Variants in DPP10 observed in about 807,000 individuals in gnomAD.
DPP10 encodes the protein inactive dipeptidyl peptidase 10.
DPP10 carries 33 observed loss-of-function variants against 120.9 expected under a neutral mutation model. That is an observed-to-expected ratio of 0.27 (90% CI 0.21 to 0.37). The LOEUF (loss-of-function observed/expected upper bound fraction) is 0.37. Among genes scored for constraint, DPP10 ranks in the 10% least tolerant of loss-of-function variants. The pLI is 1.00. For synonymous variants in DPP10, 337 were observed against 326.1 expected, an observed-to-expected ratio of 1.03 and a Z score of -0.36; for missense variants, 816 against 942.8, an observed-to-expected ratio of 0.87 and a Z score of 1.76.
At chr2:115,019,331 A>G (rs928347255) in intron 1 of DPP10, among the ~76,000 whole-genome samples, 3 of 152,192 alleles carry the variant, frequency 2.0e-5, no homozygotes, top group Non-Finnish European at 2.9e-5. Flanking sequence ...ACAAAAAGAA[A>G]TCACAACTTC....
intron 7 of DPP10, among the ~76,000 whole-genome samples, chr2:115,713,223 T>C (rs545944604): frequency 5.3e-5 from 8 of 152,186 alleles, no homozygotes; most frequent in Admixed American, 4.6e-4. Context: ...AGAGGGCAGC[T>C]GGAAATTGAG....
chr2:115,477,390 A>G (rs1354019294), intron 3 of DPP10, among the ~76,000 whole-genome samples: 1 of 152,178 alleles, frequency 6.6e-6, no homozygotes, highest in Non-Finnish European at 1.5e-5. Context: ...GGAAATTAAG[A>G]AAACAGTTCT....
At chr2:115,301,300 G>A (rs759343477) in intron 1 of DPP10, among the ~76,000 whole-genome samples, 2 of 151,728 alleles carry the variant, frequency 1.3e-5, no homozygotes, top group Non-Finnish European at 2.9e-5. Flanking sequence ...AGTTTTGCAT[G>A]GCTTCCAAAC....
chr2:114,571,227 C>T (rs1689618916), intron 1 of DPP10, among the ~76,000 whole-genome samples: 2 of 152,052 alleles, frequency 1.3e-5, no homozygotes, highest in Non-Finnish European at 2.9e-5. Flanking sequence ...TAGCACCATC[C>T]TCCTAGTGCT....
intron 1 of DPP10, among the ~76,000 whole-genome samples, chr2:114,840,369 G>A (rs1032335861): frequency 9.2e-5 from 14 of 152,064 alleles, no homozygotes; most frequent in African/African-American, 2.7e-4. Flanking sequence ...GGGGCATTCC[G>A]TTTGGCCTGT....
intron 3 of DPP10, among the ~76,000 whole-genome samples, chr2:115,381,824 A>T (rs1319179503): frequency 6.7e-6 from 1 of 149,340 alleles, no homozygotes; most frequent in African/African-American, 2.5e-5. Context: ...GTGAAGTGTC[A>T]GTCTGCCCCT....
At chr2:115,440,150 TGTGTGC>T (rs1458694763) in intron 3 of DPP10, among the ~76,000 whole-genome samples, 1 of 152,028 alleles carries the variant, frequency 6.6e-6, no homozygotes, top group Non-Finnish European at 1.5e-5. Flanking sequence ...ATAATATGTG[TGTGTGC>T]GTGTGTGTGT....
At chr2:114,773,085 A>G (rs986631740) in intron 1 of DPP10, among the ~76,000 whole-genome samples, 3 of 152,206 alleles carry the variant, frequency 2.0e-5, no homozygotes, top group African/African-American at 4.8e-5. Context: ...TAATGATTAC[A>G]TTAGAACATC....
intron 9 of DPP10, among the ~76,000 whole-genome samples, chr2:115,741,890 C>T (rs1469229950): frequency 1.3e-5 from 2 of 152,088 alleles, no homozygotes; most frequent in Non-Finnish European, 2.9e-5. Context: ...CCAATGGGAG[C>T]ATTTGAGGAA....
intron 1 of DPP10, among the ~76,000 whole-genome samples, chr2:114,507,670 G>A (rs904139777): frequency 1.3e-5 from 2 of 150,978 alleles, no homozygotes; most frequent in Non-Finnish European, 2.9e-5. Flanking sequence ...TGGGGACAGA[G>A]ACCTGGTAAT....
intron 1 of DPP10, among the ~76,000 whole-genome samples, chr2:115,120,838 T>A (rs750507858): frequency 2.0e-5 from 3 of 152,234 alleles, no homozygotes; most frequent in Admixed American, 6.5e-5. Flanking sequence ...ACTTCTCATA[T>A]AAAATCTATT....
intron 5 of DPP10, among the ~76,000 whole-genome samples, chr2:115,585,778 G>A (rs1233455055): frequency 1.3e-5 from 2 of 151,944 alleles, no homozygotes; most frequent in African/African-American, 4.8e-5. Context: ...ATACATATGT[G>A]GACATCTATC....
At chr2:115,178,687 C>A (rs1057319744) in intron 1 of DPP10, among the ~76,000 whole-genome samples, 5 of 152,128 alleles carry the variant, frequency 3.3e-5, no homozygotes, top group African/African-American at 1.2e-4. Flanking sequence ...TCCCAATTAG[C>A]AAAACTGGAA....
chr2:114,925,529 C>T (rs189816416), intron 1 of DPP10, among the ~76,000 whole-genome samples: 14 of 152,246 alleles, frequency 9.2e-5, no homozygotes, highest in Middle Eastern at 3.4e-3. Context: ...TTATCTCGCA[C>T]TTTCTGTATG....
intron 1 of DPP10, among the ~76,000 whole-genome samples, chr2:114,799,016 C>T (rs1484525497): frequency 5.3e-5 from 8 of 152,012 alleles, no homozygotes; most frequent in African/African-American, 1.9e-4. Context: ...ACAATCCCAG[C>T]TAATCGGGAA....
intron 1 of DPP10, among the ~76,000 whole-genome samples, chr2:114,818,194 CT>C (rs889734066): frequency 6.6e-6 from 1 of 151,780 alleles, no homozygotes; most frequent in East Asian, 1.9e-4. Context: ...CAATAATTTC[CT>C]TTTTTTTGAC....
Position 114,873,385 on chromosome 2 carries a change from A to G in DPP10, c.60+430547A>G, listed in dbSNP as rs372763834. On this transcript the variant is annotated intron_variant, in intron 1 of 25. Coordinates refer to ENST00000410059, the MANE Select transcript of DPP10 (RefSeq NM_020868.6). The stretch of plus-strand genomic sequence containing the variant: ...GTTGATGAGTCTACCCATGTTGACA[A>G]CAGGTAACAATGCTTGTTTTTGTGC... Among the ~76,000 whole-genome samples the G allele has an allele frequency of 1.8e-3, 278 of 152,318 alleles. 16 individuals are homozygous for G. The South Asian group carries it at 0.051, about 28-fold the overall frequency.
intron 1 of DPP10, among the ~76,000 whole-genome samples, chr2:114,544,587 C>T (rs1341234933): frequency 6.6e-6 from 1 of 151,898 alleles, no homozygotes; most frequent in Non-Finnish European, 1.5e-5. Flanking sequence ...AGAGTATAGA[C>T]CACTAATTAC....
At position 115,844,533 on chromosome 2, in the gene DPP10, C is replaced by A. The variant is rs79114215; in HGVS notation, c.*2188C>A. On this transcript the variant is annotated 3_prime_UTR_variant, in exon 26 of 26. Coordinates refer to ENST00000410059, the MANE Select transcript of DPP10 (RefSeq NM_020868.6). ...GGAAGGTAGAAAATGTTAATCCCTG[C>A]GATTCTTTGAGTTTTAATGACAGGG... is the stretch of plus-strand genomic sequence containing the variant. 6.6e-6 allele frequency: 1 copy of A among 152,142 alleles called. No homozygotes were observed. The highest frequency in any genetic ancestry group is 1.5e-5 in the Non-Finnish European group (1 of 67,984). 9.4% of individuals were successfully genotyped at this position (152,142 alleles called of 1,614,324 possible). A position where few individuals can be genotyped will look rare whatever the true frequency, so the allele number is the denominator to read the frequency against.
Sources: allele counts gnomAD v4.1 joint callset (sites outside exome capture counted in the v4.1 genomes callset), GRCh38; gene constraint gnomAD v4.1.1; transcripts MANE v1.5; gene names NCBI Gene and HGNC (gene_info 2026-07-23, HGNC 2026-07-21).